Variants in SOX30 observed in about 807,000 individuals in gnomAD.
SOX30 encodes SRY-box transcription factor 30.
In SOX30, 17 loss-of-function variants were observed where a neutral mutation model predicts 58.6. The ratio of observed to expected loss-of-function variants is 0.29; its 90% CI spans 0.20 to 0.44. The LOEUF (loss-of-function observed/expected upper bound fraction) is 0.44, where lower values mean the gene tolerates loss of function less well. SOX30 is among the 20% of genes least tolerant of loss of function. SOX30 has a pLI of 1.00. For synonymous variants in SOX30, 421 were observed against 400.2 expected (o/e 1.05, Z -0.62); for missense variants, 951 against 965.8 (o/e 0.98, Z 0.20).
intron 2 of SOX30, among the ~76,000 whole-genome samples, chr5:157,666,147 T>C (rs1166794056): frequency 2.0e-5 from 3 of 152,010 alleles, no homozygotes; most frequent in Admixed American, 6.6e-5. Context: ...TTTTTGTTTT[T>C]TGTTTTTGTT....
At chr5:157,658,166 G>A (rs546022649) in intron 2 of SOX30, among the ~76,000 whole-genome samples, 4 of 152,174 alleles carry the variant, frequency 2.6e-5, no homozygotes, top group African/African-American at 9.6e-5. Flanking sequence ...TTCTTTCTAT[G>A]GAATAAAGTT....
At chr5:157,653,287 C>G (rs1175965688), upstream of SOX30, among the ~76,000 whole-genome samples, 3 of 152,186 alleles carry the variant, frequency 2.0e-5, no homozygotes, top group Admixed American at 2.0e-4. Flanking sequence ...ACCTCTATCA[C>G]TTGGTTTGCT....
At chr5:157,640,483 G>A (rs10040353) in intron 3 of SOX30, among the ~76,000 whole-genome samples, 77,444 of 151,768 alleles carry the variant, frequency 0.51, 22,979 homozygotes, top group African/African-American at 0.84. Context: ...CTTCACTCAC[G>A]TATTTTTCCA....
chr5:157,636,954 C>A (rs371788212), intron 4 of SOX30, among the ~76,000 whole-genome samples: 2 of 151,842 alleles, frequency 1.3e-5, no homozygotes, highest in East Asian at 3.9e-4. Flanking sequence ...ATGGAGAAAC[C>A]CCATCTCTAT....
chr5:157,636,189 A>T (rs1581391584), intron 4 of SOX30, among the ~76,000 whole-genome samples: 1 of 152,108 alleles, frequency 6.6e-6, no homozygotes, highest in East Asian at 1.9e-4. Flanking sequence ...ATTGTAATTG[A>T]CTCTTCTTCA....
At chr5:157,653,519 G>C (rs1048046331), upstream of SOX30, among the ~76,000 whole-genome samples, 1 of 152,166 alleles carries the variant, frequency 6.6e-6, no homozygotes, top group African/African-American at 2.4e-5. Flanking sequence ...ATCACTACCT[G>C]TGTTAAGGGC....
chr5:157,669,476 C>T (rs981856547), intron 1 of SOX30, among the ~76,000 whole-genome samples: 8 of 146,852 alleles, frequency 5.4e-5, no homozygotes, highest in Admixed American at 2.1e-4. Flanking sequence ...TGAGCCACCG[C>T]GCCCATCAAT....
At chr5:157,654,286 C>T (rs1196180787), upstream of SOX30, among the ~76,000 whole-genome samples, 6 of 151,992 alleles carry the variant, frequency 3.9e-5, no homozygotes, top group Admixed American at 1.3e-4. Flanking sequence ...TCATTTAAAA[C>T]GTCAACAATA....
rs143438301 is a variant in SOX30 at position 157,643,538 on chromosome 5, A to C, written c.1387+3099T>G. 2.9e-3 allele frequency among the ~76,000 whole-genome samples: 448 copies of C among 152,326 alleles called. 4 individuals carry two copies. Among genetic ancestry groups the C allele is most frequent in the African/African-American group, 1.0e-2 (414 of 41,596 alleles). ...TTCTGCCAGAGATTTTTAGAAAATT[A>C]ACATGACTTCCAGCTATTGAAACTG... On this transcript the variant is annotated intron_variant, in intron 3 of 4. Coordinates refer to ENST00000265007, the MANE Select transcript of SOX30 (RefSeq NM_178424.2).
At chr5:157,671,373 G>A (rs1260320852) in exon 1 of SOX30, 4 of 531,410 alleles carry the variant, frequency 7.5e-6, no homozygotes, top group Admixed American at 3.8e-5. Context: ...ACAGCAACGC[G>A]CCGGGTCTCA....
chr5:157,646,634 C>T lies in SOX30; in HGVS notation c.1387+3G>A. The T allele has an allele frequency of 6.3e-7, 1 of 1,593,926 alleles. No homozygotes were observed. The highest frequency in any genetic ancestry group is 8.5e-7 in the Non-Finnish European group (1 of 1,172,836). On this transcript the variant is annotated splice_donor_region_variant and intron_variant, in intron 3 of 4. Coordinates refer to ENST00000265007, the MANE Select transcript of SOX30 (RefSeq NM_178424.2). ...ATAGTAATCTACAATAAAACTAACT[C>T]ACCAACTGGATGAGTGATGGGATTC...
rs534271478 is a variant in SOX30, at chr5:157,628,268, G to C, written c.1881-1547C>G. Among the ~76,000 whole-genome samples the C allele has an allele frequency of 1.5e-3, 229 of 152,026 alleles. 1 individual carries two copies. The highest frequency in any genetic ancestry group is 4.9e-3 in the African/African-American group (202 of 41,458). On this transcript the variant is annotated intron_variant, in intron 4 of 4. Coordinates refer to ENST00000265007, the MANE Select transcript of SOX30 (RefSeq NM_178424.2). ...AGGCATAGAGCAGGAATTATAGGAA[G>C]AGGTAGAGTCCAACCATCTAGTGAC...
At chr5:157,644,375 G>A (rs1308480798) in intron 3 of SOX30, among the ~76,000 whole-genome samples, 1 of 152,162 alleles carries the variant, frequency 6.6e-6, no homozygotes, top group African/African-American at 2.4e-5. Flanking sequence ...TCTTGTCTTA[G>A]ATTTGATTAC....
In SOX30 at chr5:157,626,473, G is replaced by A. The variant is rs758531533; in HGVS notation, c.2129C>T (p.Pro710Leu). Residue 710 changes from proline (P) to leucine (L), a missense_variant, in exon 5 of 5, where the codon CCT becomes CTT. Transcript: ENST00000265007. ...HSHSGEENLNPVPQLDIGTLE... is the reference protein window; with the variant it reads ...HSHSGEENLNLVPQLDIGTLE... ...GGTTCCAATGTCCAGCTGAGGCACAGGGTTTAAGTTTTCTTCCCCACTGTG... is the reference window on the plus strand; with the variant it reads ...GGTTCCAATGTCCAGCTGAGGCACAAGGTTTAAGTTTTCTTCCCCACTGTG... The A allele has an allele frequency of 2.5e-6, 4 of 1,614,148 alleles. No individual in the cohort carries two copies. Among genetic ancestry groups the A allele is most frequent in the African/African-American group, 2.7e-5 (2 of 75,034 alleles).
In SOX30 at chr5:157,648,797, G is replaced by T; in HGVS notation, c.1067C>A (p.Ala356Asp). ...VWARIHRPAL[A>D]KANPAANNAE... Reference sequence around the variant, plus strand: ...ATTGTTGGCTGCTGGGTTAGCTTTGGCTAGTGCTGGTCGGTGGATCCTTGC... The same window carrying T: ...ATTGTTGGCTGCTGGGTTAGCTTTGTCTAGTGCTGGTCGGTGGATCCTTGC... Residue 356 changes from alanine (A) to aspartate (D), a missense_variant, in exon 2 of 5, where the codon GCC becomes GAC. By Grantham distance (126) the Ala-to-Asp change is moderately radical (BLOSUM62 -2). Transcript: ENST00000265007. 1 of 1,613,036 alleles carries T rather than the reference G, an allele frequency of 6.2e-7. No individual in the cohort carries two copies. Among genetic ancestry groups the T allele is most frequent in the Non-Finnish European group, 8.5e-7 (1 of 1,179,934 alleles).
At chr5:157,644,937 C>T (rs1038096189) in intron 3 of SOX30, among the ~76,000 whole-genome samples, 23 of 152,180 alleles carry the variant, frequency 1.5e-4, no homozygotes, top group Admixed American at 4.6e-4. Flanking sequence ...GCCGAGATCG[C>T]GCCACTACAC....
chr5:157,661,203 C>T (rs1375527452), intron 2 of SOX30, among the ~76,000 whole-genome samples: 1 of 152,158 alleles, frequency 6.6e-6, no homozygotes, highest in Non-Finnish European at 1.5e-5. Context: ...ATCCTTTTGC[C>T]TTGCACCCAG....
rs1758644971 is a variant in SOX30, at chr5:157,626,100, G to T, written c.*240C>A. 2 of 402,052 alleles carry T rather than the reference G, an allele frequency of 5.0e-6. No homozygotes were observed. The highest frequency in any genetic ancestry group is 8.8e-6 in the Non-Finnish European group (2 of 227,702). 24.9% of individuals were successfully genotyped at this position (402,052 alleles called of 1,614,324 possible). ...TAAAGTAATAATAATACATGTTGAT[G>T]CAAATTTCAGCCATTAAAATTAAAC... On this transcript the variant is annotated 3_prime_UTR_variant, in exon 5 of 5. Coordinates refer to ENST00000265007, the MANE Select transcript of SOX30 (RefSeq NM_178424.2).
intron 1 of SOX30, among the ~76,000 whole-genome samples, chr5:157,668,272 C>G (rs1475433798): frequency 1.3e-5 from 2 of 152,150 alleles, no homozygotes; most frequent in East Asian, 3.8e-4. Context: ...GACTTATTCC[C>G]CACACTGCAG....
Sources: gnomAD v4.1 joint callset for allele counts (sites outside exome capture counted in the v4.1 genomes callset) on GRCh38, gnomAD v4.1.1 for gene constraint, MANE v1.5 for transcripts, NCBI Gene and HGNC (gene_info 2026-07-23, HGNC 2026-07-21) for gene names.